The following PSG11 variants were observed in gnomAD, a reference collection of about 807,000 sequenced individuals.
PSG11 encodes the protein pregnancy-specific beta-1-glycoprotein 11.
In PSG11, 42 loss-of-function variants were observed where a neutral mutation model predicts 36.0. That is an observed-to-expected ratio of 1.17 (90% CI 0.91 to 1.51). The LOEUF (loss-of-function observed/expected upper bound fraction) is 1.51, where lower values mean the gene tolerates loss of function less well. Ranked by LOEUF, PSG11 falls within the 40% of genes most tolerant of loss-of-function variation. PSG11 has a pLI of 0.00. For synonymous variants in PSG11, 206 were observed against 153.5 expected (o/e 1.34, Z -2.53); for missense variants, 558 against 403.5 (o/e 1.38, Z -3.28).
At position 43,015,274 on chromosome 19, in the gene PSG11, G is replaced by A. The variant is rs373919762; in HGVS notation, c.806C>T (p.Ala269Val). 1.2e-6 allele frequency: 2 copies of A among 1,611,314 alleles called. No homozygotes were observed. Among genetic ancestry groups the A allele is most frequent in the Admixed American group, 1.7e-5 (1 of 59,846 alleles). ...CCCATTAATTGTCCAAGAATACTGT[G>A]CTGGTGGGTTAGAGTTTGCGAAGCA... ...LSCFANSNPP[A>V]QYSWTINGKF... The change falls in exon 4 of 6, where the codon GCA becomes GTA. Residue 269 changes from alanine (A) to valine (V), a missense_variant. By Grantham distance (64) the Ala-to-Val change is moderately conservative. Coordinates refer to ENST00000320078, the MANE Select transcript of PSG11 (RefSeq NM_002785.3).
chr19:43,020,081 C>G (rs902008180), intron 2 of PSG11, among the ~76,000 whole-genome samples: 1 of 151,298 alleles, frequency 6.6e-6, no homozygotes, highest in Non-Finnish European at 1.5e-5. Flanking sequence ...ATAGTAGTTT[C>G]CAGGAGCTGG....
intron 1 of PSG11, among the ~76,000 whole-genome samples, chr19:43,025,753 T>A (rs567207506): frequency 4.7e-5 from 7 of 149,856 alleles, no homozygotes; most frequent in Admixed American, 4.7e-4. Flanking sequence ...ATAGTTATTA[T>A]TATCATTTTT....
intron 1 of PSG11, among the ~76,000 whole-genome samples, chr19:43,025,936 CTTTTTTTT>C (rs1195259262): frequency 2.6e-3 from 174 of 68,118 alleles, no homozygotes; most frequent in Non-Finnish European, 3.7e-3. Flanking sequence ...TTTTTTTTCT[CTTTTTTTT>C]TTTTTTTTTT....
At chr19:43,008,800 G>A (rs1005147065) in intron 5 of PSG11, among the ~76,000 whole-genome samples, 2 of 151,106 alleles carry the variant, frequency 1.3e-5, no homozygotes, top group African/African-American at 4.9e-5. Context: ...AGATCCTTAG[G>A]TAATTCCAGT....
In PSG11 at chr19:43,024,797, C is replaced by G; in HGVS notation, c.324G>C (p.Leu108=). Residue 108 remains leucine, a synonymous_variant, in exon 2 of 6, where the codon CTG becomes CTC. Coordinates refer to ENST00000320078, the MANE Select transcript of PSG11 (RefSeq NM_002785.3). ...CGTCCTCCCGGGTGACATTCTGGAT[C>G]AGCAGGGATGCATTGGAATATACTG... ...RETVYSNASL[L]IQNVTREDAG... is the part of the protein sequence containing the mutation. 5.0e-6 allele frequency: 8 copies of G among 1,612,032 alleles called. No homozygotes were observed. The highest frequency in any genetic ancestry group is 6.8e-6 in the Non-Finnish European group (8 of 1,179,114).
At chr19:43,010,305 AT>A in intron 4 of PSG11, 1 of 1,498,586 alleles carries the variant, frequency 6.7e-7, no homozygotes, top group Non-Finnish European at 8.9e-7. Context: ...AGAAAGGCTG[AT>A]TGCTATTTTC....
rs1974029742 is a variant in PSG11 at position 43,009,887 on chromosome 19, A to C, written c.*40+71T>G. The C allele has an allele frequency of 2.1e-5, 26 of 1,219,486 alleles. No homozygotes were observed. In the South Asian group the frequency reaches 3.0e-4, roughly 14 times the overall value. 75.5% of individuals were successfully genotyped at this position (1,219,486 alleles called of 1,614,324 possible). A position where few individuals can be genotyped will look rare whatever the true frequency, so the allele number is the denominator to read the frequency against. On this transcript the variant is annotated intron_variant, in intron 5 of 5. Transcript: ENST00000320078. ...GATCCAGGCCCAGATACAGGCAAAT[A>C]AGTCATTTCCCTCTCCCAAGCATGG... is the stretch of plus-strand genomic sequence containing the variant.
At chr19:43,019,565 A>G (rs1967053633) in intron 2 of PSG11, 1 of 164,212 alleles carries the variant, frequency 6.1e-6, no homozygotes, top group Non-Finnish European at 1.3e-5. Flanking sequence ...TTCAGCAGAA[A>G]TAACACAGGG....
At chr19:43,015,964 G>A (rs1283700056) in intron 3 of PSG11, 1 of 1,610,084 alleles carries the variant, frequency 6.2e-7, no homozygotes. Flanking sequence ...CTCACTCTTA[G>A]GTTCACAGGT....
At position 43,010,003 on chromosome 19, in the gene PSG11, T is replaced by C. The variant is rs760597169; in HGVS notation, c.1003A>G (p.Thr335Ala). ...GLGTFAFNNPT is the reference protein window; with the variant it reads ...GLGTFAFNNPA ...CAAAAATGACATCACGGCTGCTACG[T>C]TGGATTATTGAAAGCAAAAGTTCCT... The change falls in exon 5 of 6, where the codon ACG becomes GCG. Residue 335 changes from threonine to alanine, a missense_variant. Coordinates refer to ENST00000320078, the MANE Select transcript of PSG11 (RefSeq NM_002785.3). 3 of 1,608,698 alleles carry C rather than the reference T, an allele frequency of 1.9e-6. No homozygotes were observed. The highest frequency in any genetic ancestry group is 2.6e-6 in the Non-Finnish European group (3 of 1,176,256).
intron 2 of PSG11, 172 bp downstream of exon 2, chr19:43,024,519 A>G: frequency 1.5e-6 from 2 of 1,294,478 alleles, no homozygotes; most frequent in Non-Finnish European, 2.2e-6. Context: ...AGGAATTCTG[A>G]TCTGTTGAAA....
intron 4 of PSG11, 152 bp from the exon 5 acceptor site, chr19:43,010,193 T>C: frequency 6.9e-7 from 1 of 1,453,888 alleles, no homozygotes; most frequent in Non-Finnish European, 9.1e-7. Flanking sequence ...GATGATTATA[T>C]TCTTGCAGTT....
chr19:43,007,857 A>G lies in PSG11; in HGVS notation c.*226T>C, dbSNP rs1599664907. 6.0e-6 allele frequency: 2 copies of G among 332,810 alleles called. No homozygotes were observed. Among genetic ancestry groups the G allele is most frequent in the South Asian group, 1.6e-4 (1 of 6,264 alleles). 20.6% of individuals were successfully genotyped at this position (332,810 alleles called of 1,614,324 possible). A position where few individuals can be genotyped will look rare whatever the true frequency, so the allele number is the denominator to read the frequency against. ...TCAGCACATTTTCCAATAAAAAATTATGAAAACATTATCCTTTTGTTATTT... is the reference window on the plus strand; with the variant it reads ...TCAGCACATTTTCCAATAAAAAATTGTGAAAACATTATCCTTTTGTTATTT... On this transcript the variant is annotated 3_prime_UTR_variant, in exon 6 of 6. Transcript: ENST00000320078.
intron 4 of PSG11, chr19:43,014,375 C>G (rs1966902543): frequency 1.1e-6 from 1 of 932,456 alleles, no homozygotes; most frequent in South Asian, 5.0e-5. Flanking sequence ...GCATCAGTCA[C>G]TGTACTCAGT....
chr19:43,010,362 CT>C, intron 4 of PSG11: 2 of 1,534,998 alleles, frequency 1.3e-6, no homozygotes, highest in Admixed American at 2.1e-5. Context: ...ATGGTTGCAT[CT>C]TTTTCTCAGT....
At chr19:43,021,734 G>A (rs1205413812) in intron 2 of PSG11, among the ~76,000 whole-genome samples, 1 of 151,436 alleles carries the variant, frequency 6.6e-6, no homozygotes, top group Non-Finnish European at 1.5e-5. Context: ...TTTCAAGCTT[G>A]TCATATGCCT....
intron 1 of PSG11, chr19:43,025,342 G>A (rs1338645708): frequency 6.5e-6 from 3 of 462,166 alleles, no homozygotes; most frequent in Non-Finnish European, 1.1e-5. Context: ...CTTCCCCAGG[G>A]GTCCGCATGG....
intron 4 of PSG11, chr19:43,014,620 C>A: frequency 9.5e-7 from 1 of 1,056,690 alleles, no homozygotes; most frequent in Non-Finnish European, 1.1e-6. Flanking sequence ...GGCCAGTCAC[C>A]AGAGGAGCCC....
At chr19:43,012,012 T>C (rs1974089198) in intron 4 of PSG11, among the ~76,000 whole-genome samples, 1 of 150,834 alleles carries the variant, frequency 6.6e-6, no homozygotes, top group Admixed American at 6.6e-5. Flanking sequence ...ATAACCTAGA[T>C]GAAATAGACA....
Sources: gnomAD v4.1 joint callset for allele counts (sites outside exome capture counted in the v4.1 genomes callset) on GRCh38, gnomAD v4.1.1 for gene constraint, MANE v1.5 for transcripts, NCBI Gene and HGNC (gene_info 2026-07-23, HGNC 2026-07-21) for gene names.